MBD1: variants seen among roughly 807,000 people sequenced by gnomAD.
The protein encoded by MBD1 is methyl-CpG binding domain protein 1, also known as methyl-CpG-binding domain protein 1.
Under a neutral mutation model 82.6 loss-of-function variants are expected in MBD1, and 25 were observed. The observed-to-expected ratio is 0.30, with a 90% CI of 0.22 to 0.42. The LOEUF is 0.42. Among genes scored for constraint, MBD1 ranks in the 10% least tolerant of loss-of-function variants. MBD1 has a pLI of 1.00. For synonymous variants in MBD1, 301 were observed against 303.7 expected, an observed-to-expected ratio of 0.99 and a Z score of 0.09; for missense variants, 627 against 819.6, an observed-to-expected ratio of 0.76 and a Z score of 2.87.
intron 15 of MBD1, among the ~76,000 whole-genome samples, chr18:50,271,879 G>C (rs1183640296): frequency 1.3e-5 from 2 of 152,176 alleles, no homozygotes; most frequent in Non-Finnish European, 2.9e-5. Flanking sequence ...GTTTGTAGGA[G>C]CAAAGGAATC....
intron 16 of MBD1, chr18:50,270,240 G>A: frequency 7.5e-7 from 1 of 1,333,980 alleles, no homozygotes; most frequent in Non-Finnish European, 1.1e-6. Context: ...ACTTAAAGCT[G>A]CAGGGCTGGG....
At chr18:50,281,236 G>A in intron 1 of MBD1, 127 bp downstream of exon 1, 1 of 1,533,248 alleles carries the variant, frequency 6.5e-7, no homozygotes, top group Non-Finnish European at 8.7e-7. Flanking sequence ...TCAGTATTCC[G>A]ACGCCGCCAT....
At chr18:50,274,472 C>G in intron 10 of MBD1, 119 bp from the exon 11 acceptor site, 1 of 1,094,820 alleles carries the variant, frequency 9.1e-7, no homozygotes. Context: ...TACTTGCATA[C>G]TAGTCTCAGC....
Position 50,273,614 on chromosome 18 carries a change from G to A in MBD1, c.1396C>T (p.Pro466Ser), listed in dbSNP as rs1453152099. Residue 466 changes from proline (P) to serine (S), a missense_variant, in exon 12 of 17, where the codon CCT (proline) becomes TCT (serine). This residue lies in a region of MBD1 where 265 missense variants were observed against 278.4 expected (regional missense o/e 0.95). Coordinates refer to ENST00000269468, the MANE Select transcript of MBD1 (RefSeq NM_015846.4). ...LVFLREGASS[P>S]VQVPGPVAAS... The stretch of plus-strand genomic sequence containing the variant: ...GCAACAGGGCCCGGCACCTGCACAG[G>A]ACTGCTTGCGCCTTCCCGTAAAAAC... 1.9e-6 allele frequency: 3 copies of A among 1,613,232 alleles called. No individual in the cohort carries two copies. The highest frequency in any genetic ancestry group is 2.5e-6 in the Non-Finnish European group (3 of 1,180,036).
rs1315488312 is a variant in MBD1, at chr18:50,275,913, G to A, written c.585C>T (p.Leu195=). 6.2e-6 allele frequency: 10 copies of A among 1,614,010 alleles called. No homozygotes were observed. The highest frequency in any genetic ancestry group is 2.2e-5 in the East Asian group (1 of 44,898). ...ATGCCACATCATGGGGCAGCTGCAG[G>A]AGGCAGGTGGAGCAGGCCCCACAGT... ...TEDCGACSTC[L]LQLPHDVASG... is the part of the protein sequence containing the mutation. The change falls in exon 7 of 17, where the codon CTC becomes CTT. Residue 195 remains leucine, a synonymous_variant. Coordinates refer to ENST00000269468, the MANE Select transcript of MBD1 (RefSeq NM_015846.4).
intron 15 of MBD1, 85 bp downstream of exon 15, chr18:50,272,592 A>G (rs1488622290): frequency 1.3e-6 from 2 of 1,493,698 alleles, no homozygotes; most frequent in Non-Finnish European, 1.9e-6. Context: ...ACACCATGCC[A>G]AACTGCCGGC....
intron 11 of MBD1, 56 bp downstream of exon 11, chr18:50,274,130 A>C: frequency 6.2e-7 from 1 of 1,603,724 alleles, no homozygotes; most frequent in Non-Finnish European, 8.5e-7. Flanking sequence ...ACTTCCAGGC[A>C]CTGGGGCGCC....
In MBD1 at chr18:50,275,147, G is replaced by A; in HGVS notation, c.891C>T (p.Ser297=). The A allele has an allele frequency of 6.2e-7, 1 of 1,614,138 alleles. No homozygotes were observed. The highest frequency in any genetic ancestry group is 8.5e-7 in the Non-Finnish European group (1 of 1,179,996). The change falls in exon 9 of 17, where the codon TCC becomes TCT. Residue 297 remains serine (S), a synonymous_variant. Coordinates refer to ENST00000269468, the MANE Select transcript of MBD1 (RefSeq NM_015846.4). ...GCCTCACCGGCTCTGTGGGCTCTGGGGACTGTGATGGGGGTGGTGGAGGCA... is the reference window on the plus strand; with the variant it reads ...GCCTCACCGGCTCTGTGGGCTCTGGAGACTGTGATGGGGGTGGTGGAGGCA... The part of the protein sequence containing the change: ...QPLPPPPPSQ[S]PEPTEPHPRA...
intron 2 of MBD1, among the ~76,000 whole-genome samples, chr18:50,278,060 C>G (rs1054171887): frequency 6.6e-6 from 1 of 152,146 alleles, no homozygotes; most frequent in East Asian, 1.9e-4. Context: ...GTAATATGTA[C>G]TGTGTTTTTT....
At chr18:50,279,642 A>G (rs2039431692) in intron 2 of MBD1, 1 of 497,996 alleles carries the variant, frequency 2.0e-6, no homozygotes, top group Non-Finnish European at 3.6e-6. Flanking sequence ...ACATGCATTG[A>G]GTGACAGTTT....
chr18:50,281,046 C>T (rs1178985676), intron 1 of MBD1: 11 of 987,178 alleles, frequency 1.1e-5, no homozygotes, highest in Non-Finnish European at 1.6e-5. Flanking sequence ...TCATTTCTCC[C>T]TCTCAGAGTT....
Position 50,273,751 on chromosome 18 carries a change from G to C in MBD1, c.1259C>G (p.Thr420Ser). The C allele has an allele frequency of 6.2e-7, 1 of 1,614,158 alleles. No homozygotes were observed. Among genetic ancestry groups the C allele is most frequent in the Middle Eastern group, 1.6e-4 (1 of 6,062 alleles). The change falls in exon 12 of 17, where the codon ACC (threonine) becomes AGC (serine). Residue 420 changes from threonine to serine, a missense_variant. Physicochemically the swap from Thr to Ser is moderately conservative, Grantham distance 58. This residue lies in a region of MBD1 where 265 missense variants were observed against 278.4 expected (regional missense o/e 0.95). Transcript: ENST00000269468. ...GCGTGTAGCCAAGGTGGGCTTCAAG[G>C]TAGGGCCAAGATGGTGCCGTCGGGC... is the stretch of plus-strand genomic sequence containing the variant. ...SSARRHHLGP[T>S]LKPTLATRTA...
At chr18:50,278,711 T>C (rs2039045032) in intron 2 of MBD1, among the ~76,000 whole-genome samples, 1 of 152,212 alleles carries the variant, frequency 6.6e-6, no homozygotes, top group South Asian at 2.1e-4. Flanking sequence ...TTAGTTATGG[T>C]AGTTACGTTC....
rs2037903537 is a variant in MBD1 at position 50,276,372 on chromosome 18, G to A, written c.516+6C>T. 1 of 1,613,894 alleles carries A rather than the reference G, an allele frequency of 6.2e-7. No homozygotes were observed. Among genetic ancestry groups the A allele is most frequent in the South Asian group, 1.1e-5 (1 of 91,016 alleles). On this transcript the variant is annotated splice_donor_region_variant and intron_variant, in intron 6 of 16. Coordinates refer to ENST00000269468, the MANE Select transcript of MBD1 (RefSeq NM_015846.4). ...GAGTTGTGAAGAGGAAGCAGGTTGT[G>A]CTTACCTTAAACATTCTCTGTTCCC...
chr18:50,267,731 G>A, downstream of MBD1: 1 of 1,014,702 alleles, frequency 9.9e-7, no homozygotes, highest in Non-Finnish European at 1.5e-6. Flanking sequence ...TAGAACACTT[G>A]TGAGCACATG....
At chr18:50,279,181 T>C (rs1210379687) in intron 2 of MBD1, among the ~76,000 whole-genome samples, 1 of 152,260 alleles carries the variant, frequency 6.6e-6, no homozygotes, top group Non-Finnish European at 1.5e-5. Context: ...AACATGACTT[T>C]GGCTTTCCTC....
At chr18:50,272,230 C>T (rs979972615) in intron 15 of MBD1, among the ~76,000 whole-genome samples, 1 of 152,160 alleles carries the variant, frequency 6.6e-6, no homozygotes, top group Non-Finnish European at 1.5e-5. Flanking sequence ...ACTGCCCAGG[C>T]AAGCCCAGCA....
intron 16 of MBD1, 177 bp downstream of exon 16, chr18:50,271,292 C>T (rs1251864293): frequency 1.3e-6 from 2 of 1,484,702 alleles, no homozygotes; most frequent in African/African-American, 2.8e-5. Flanking sequence ...TACTCTTTCT[C>T]TTCCTTTCCC....
rs570482487 is a variant in MBD1, at chr18:50,269,387, G to A, written c.*464C>T. On this transcript the variant is annotated 3_prime_UTR_variant, in exon 17 of 17. Coordinates refer to ENST00000269468, the MANE Select transcript of MBD1 (RefSeq NM_015846.4). Reference sequence around the variant, plus strand: ...CCCGGAACTCTCTTCCAGTAAGATGGGCCACAAGAGACATTTTGCTTGATA... The same window carrying A: ...CCCGGAACTCTCTTCCAGTAAGATGAGCCACAAGAGACATTTTGCTTGATA... 7.3e-5 allele frequency: 86 copies of A among 1,179,862 alleles called. No homozygotes were observed. In the South Asian group the frequency reaches 1.3e-3, roughly 18 times the overall value. 73.1% of individuals were successfully genotyped at this position (1,179,862 alleles called of 1,614,324 possible).
Sources: gnomAD v4.1 joint callset for allele counts (sites outside exome capture counted in the v4.1 genomes callset) on GRCh38, gnomAD v4.1.1 for gene constraint, gnomAD v4.1.1 regional missense constraint, MANE v1.5 for transcripts, NCBI Gene and HGNC (gene_info 2026-07-23, HGNC 2026-07-21) for gene names.